The following SCAPER variants were observed in gnomAD, a reference collection of about 807,000 sequenced individuals.
SCAPER encodes S phase cyclin A-associated protein in the endoplasmic reticulum.
In SCAPER, 98 loss-of-function variants were observed where a neutral mutation model predicts 182.2. That is an observed-to-expected ratio of 0.54 (90% CI 0.46 to 0.64). The LOEUF is 0.64. SCAPER is among the 30% of genes least tolerant of loss of function. The pLI is 0.00. For missense variants in SCAPER, 1,432 were observed against 1,690.0 expected (o/e 0.85, Z 2.68); for synonymous variants, 605 against 564.6 (o/e 1.07, Z -1.01).
chr15:76,800,372 T>C lies in SCAPER; in HGVS notation c.495-8A>G. ...CATGCCAATGATGTTGGTCTGCGAA[T>C]TCAATATATAAACCAGATTAAATTA... On this transcript the variant is annotated splice_region_variant and splice_polypyrimidine_tract_variant and intron_variant, in intron 6 of 31. Transcript: ENST00000563290. The C allele has an allele frequency of 6.5e-7, 1 of 1,532,488 alleles. No individual in the cohort carries two copies. The highest frequency in any genetic ancestry group is 1.4e-5 in the African/African-American group (1 of 73,616). 94.9% of individuals were successfully genotyped at this position (1,532,488 alleles called of 1,614,324 possible).
At chr15:76,390,503 A>AAT (rs2043615515) in intron 27 of SCAPER, among the ~76,000 whole-genome samples, 1 of 152,188 alleles carries the variant, frequency 6.6e-6, no homozygotes, top group African/African-American at 2.4e-5. Flanking sequence ...GGCTCAGGAC[A>AAT]ATCTTAGGAA....
At chr15:76,537,516 T>A (rs1017860280) in intron 23 of SCAPER, among the ~76,000 whole-genome samples, 1 of 152,158 alleles carries the variant, frequency 6.6e-6, no homozygotes, top group Non-Finnish European at 1.5e-5. Flanking sequence ...GCTAGCCATA[T>A]GTAGAAAGCT....
intron 24 of SCAPER, among the ~76,000 whole-genome samples, chr15:76,492,362 T>C (rs1365884387): frequency 6.6e-6 from 1 of 152,236 alleles, no homozygotes; most frequent in East Asian, 1.9e-4. Flanking sequence ...ATTAAAACAA[T>C]GAATTTTAAA....
chr15:76,580,873 G>A (rs1368840999), intron 22 of SCAPER, among the ~76,000 whole-genome samples: 2 of 151,950 alleles, frequency 1.3e-5, no homozygotes, highest in Admixed American at 1.3e-4. Flanking sequence ...TGAGAAGTTG[G>A]TTTTTTGAAA....
chr15:76,573,411 A>G (rs1440695549), intron 23 of SCAPER, among the ~76,000 whole-genome samples: 1 of 151,706 alleles, frequency 6.6e-6, no homozygotes, highest in Non-Finnish European at 1.5e-5. Context: ...AAAACAAAAC[A>G]AAACAAAAAC....
chr15:76,481,342 T>A (rs904056672), intron 24 of SCAPER, among the ~76,000 whole-genome samples: 1 of 152,210 alleles, frequency 6.6e-6, no homozygotes, highest in Admixed American at 6.5e-5. Flanking sequence ...CATAATCTAC[T>A]GATTCTGCGT....
rs773380537 is a variant in SCAPER, at chr15:76,504,900, G to C, written c.2913C>G (p.Val971=). Residue 971 remains valine (V), a synonymous_variant, in exon 24 of 32, where the codon GTC becomes GTG. Transcript: ENST00000563290. ...TALEHILQAV[V]PATNVNTVLR... ...AAACTGTGTTCACATTTGTGGCTGG[G>C]ACTACTGCTTGAAGGATGTGTTCAA... The C allele has an allele frequency of 6.2e-7, 1 of 1,612,486 alleles. No homozygotes were observed. The highest frequency in any genetic ancestry group is 1.7e-5 in the Admixed American group (1 of 59,764).
chr15:76,794,821 A>ATT (rs747497216), intron 8 of SCAPER, among the ~76,000 whole-genome samples: 6 of 152,158 alleles, frequency 3.9e-5, no homozygotes, highest in Non-Finnish European at 7.4e-5. Context: ...CCCTCTTCTA[A>ATT]TTATTTGTAT....
In SCAPER at chr15:76,353,966, G is replaced by A; in HGVS notation, c.4030C>T (p.Leu1344=). ...GAAGGTACCTGAATGAAAGTGGCCAGTAAAACACAGCTCATCTCTTGCTCC... is the reference window on the plus strand; with the variant it reads ...GAAGGTACCTGAATGAAAGTGGCCAATAAAACACAGCTCATCTCTTGCTCC... ...ILEQEMSCVL[L]ATFIQDLAQT... The change falls in exon 30 of 32, where the codon CTG becomes TTG. Residue 1344 remains leucine (L), a synonymous_variant. Coordinates refer to ENST00000563290, the MANE Select transcript of SCAPER (RefSeq NM_020843.4). The A allele has an allele frequency of 1.3e-6, 2 of 1,582,658 alleles. No individual in the cohort carries two copies. The highest frequency in any genetic ancestry group is 1.7e-6 in the Non-Finnish European group (2 of 1,169,304).
chr15:76,690,561 A>G (rs565686600), intron 20 of SCAPER, among the ~76,000 whole-genome samples: 1 of 152,292 alleles, frequency 6.6e-6, no homozygotes, highest in African/African-American at 2.4e-5. Context: ...TAACTCATGT[A>G]CCATGGTAAT....
intron 7 of SCAPER, among the ~76,000 whole-genome samples, chr15:76,797,946 T>C (rs1210954460): frequency 9.2e-6 from 1 of 108,236 alleles, no homozygotes; most frequent in African/African-American, 3.4e-5. Context: ...AAAAAAAAAA[T>C]CAGATGATGT....
chr15:76,372,941 G>A (rs1038862710), intron 29 of SCAPER, among the ~76,000 whole-genome samples: 5 of 152,144 alleles, frequency 3.3e-5, no homozygotes, highest in African/African-American at 7.2e-5. Flanking sequence ...CTGCCAAAAT[G>A]TTAACAGTGG....
intron 17 of SCAPER, among the ~76,000 whole-genome samples, chr15:76,721,933 G>A (rs1317475079): frequency 6.6e-6 from 1 of 152,074 alleles, no homozygotes; most frequent in African/African-American, 2.4e-5. Flanking sequence ...TCTCCTGTCT[G>A]ACTGCCCTGG....
At chr15:76,859,869 C>T (rs2071728999) in intron 3 of SCAPER, among the ~76,000 whole-genome samples, 1 of 152,072 alleles carries the variant, frequency 6.6e-6, no homozygotes, top group Non-Finnish European at 1.5e-5. Flanking sequence ...CACCCACTGC[C>T]ATGCCCCGCT....
chr15:76,553,155 G>T (rs4886496), intron 23 of SCAPER, among the ~76,000 whole-genome samples: 33,948 of 152,078 alleles, frequency 0.22, 4,714 homozygotes, highest in Admixed American at 0.35. Context: ...TCCCTGGATG[G>T]TGCACATATG....
chr15:76,515,031 G>C (rs2042310185), intron 23 of SCAPER, among the ~76,000 whole-genome samples: 1 of 152,142 alleles, frequency 6.6e-6, no homozygotes, highest in Non-Finnish European at 1.5e-5. Flanking sequence ...TGGGGTCAAG[G>C]ATGTTACAAG....
intron 22 of SCAPER, among the ~76,000 whole-genome samples, chr15:76,609,242 C>T (rs1405148045): frequency 6.6e-6 from 1 of 151,928 alleles, no homozygotes; most frequent in African/African-American, 2.4e-5. Context: ...ATCCCAGTGC[C>T]TTGGGAGGCT....
chr15:76,649,219 G>C (rs181712460), intron 21 of SCAPER, among the ~76,000 whole-genome samples: 55 of 152,280 alleles, frequency 3.6e-4, no homozygotes, highest in Admixed American at 1.0e-3. Context: ...CAAGCCTCGA[G>C]TATTTACCCT....
chr15:76,791,916 G>A (rs1196029696), intron 8 of SCAPER, among the ~76,000 whole-genome samples: 1 of 151,622 alleles, frequency 6.6e-6, no homozygotes, highest in Admixed American at 6.5e-5. Context: ...CCCAAAGGGA[G>A]ATGGAGAACA....
Sources: gnomAD v4.1 joint callset for allele counts (sites outside exome capture counted in the v4.1 genomes callset) on GRCh38, gnomAD v4.1.1 for gene constraint, MANE v1.5 for transcripts, NCBI Gene and HGNC (gene_info 2026-07-23, HGNC 2026-07-21) for gene names.